Variants in ZNF362 observed in about 807,000 individuals in gnomAD.
The protein encoded by ZNF362 is rotund homolog.
A neutral mutation model predicts 42.9 loss-of-function variants in ZNF362; 11 were observed. The ratio of observed to expected loss-of-function variants is 0.26; its 90% CI spans 0.16 to 0.42. The LOEUF is 0.42. Ranked by LOEUF, ZNF362 falls within the 20% of genes least tolerant of loss-of-function variation. ZNF362 has a pLI of 1.00. For synonymous variants in ZNF362, 255 were observed against 257.3 expected, an observed-to-expected ratio of 0.99 and a Z score of 0.09; for missense variants, 362 against 576.2, an observed-to-expected ratio of 0.63 and a Z score of 3.81.
At chr1:33,160,076 G>T in the ZNF362 span, 2 of 1,165,156 alleles carry the variant, frequency 1.7e-6, no homozygotes, top group Non-Finnish European at 2.4e-6. Context: ...TGGGGGAAAT[G>T]TCACATGCAA....
At chr1:33,229,371 T>C in the ZNF362 span, among the ~76,000 whole-genome samples, 1 of 151,860 alleles carries the variant, frequency 6.6e-6, no homozygotes, top group Non-Finnish European at 1.5e-5. Flanking sequence ...CCTTCACTTA[T>C]GTCCAATCAG....
the ZNF362 span, among the ~76,000 whole-genome samples, chr1:33,143,811 A>G: frequency 2.0e-5 from 3 of 152,236 alleles, no homozygotes; most frequent in Admixed American, 2.0e-4. Context: ...GAGAGCACCC[A>G]GTGGCCTGGG....
chr1:33,131,401 G>GTC, the ZNF362 span, among the ~76,000 whole-genome samples: 1 of 152,178 alleles, frequency 6.6e-6, no homozygotes, highest in African/African-American at 2.4e-5. Context: ...GGCTCTGAGG[G>GTC]TCTAAATCTG....
intron 1 of ZNF362, among the ~76,000 whole-genome samples, chr1:33,260,020 G>A (rs924739298): frequency 6.6e-5 from 10 of 152,100 alleles, no homozygotes; most frequent in Admixed American, 2.6e-4. Flanking sequence ...TGTATGACAC[G>A]TCTCCCTGCC....
chr1:33,223,319 T>C, the ZNF362 span, among the ~76,000 whole-genome samples: 1 of 152,200 alleles, frequency 6.6e-6, no homozygotes. Flanking sequence ...TCTTGTCTGC[T>C]GCCCTGTGAG....
chr1:33,165,404 G>A, the ZNF362 span: 1 of 1,396,756 alleles, frequency 7.2e-7, no homozygotes, highest in Non-Finnish European at 9.7e-7. The surrounding 1 kb of genome is among the most constrained non-coding windows in gnomAD (Gnocchi z 4.0). Flanking sequence ...TTCCCCAGCT[G>A]GCCCCGCCCC....
At chr1:33,238,326 C>CATAAAATAAAATAAA in the ZNF362 span, among the ~76,000 whole-genome samples, 12,024 of 85,140 alleles carry the variant, frequency 0.14, 1,327 homozygotes, top group Middle Eastern at 0.26. Flanking sequence ...CTCAAAATAA[C>CATAAAATAAAATAAA]ATAAAATAAA....
At chr1:33,189,120 G>T in the ZNF362 span, among the ~76,000 whole-genome samples, 4 of 152,190 alleles carry the variant, frequency 2.6e-5, no homozygotes, top group African/African-American at 9.7e-5. Context: ...TCTCCACATG[G>T]CTGTTCTTCA....
At chr1:33,278,637 C>T (rs1489170893) in intron 4 of ZNF362, among the ~76,000 whole-genome samples, 4 of 152,204 alleles carry the variant, frequency 2.6e-5, no homozygotes, top group African/African-American at 9.6e-5. Context: ...TGATGTGTCT[C>T]CTCTCAGATC....
the ZNF362 span, chr1:33,142,243 C>G: frequency 5.3e-5 from 8 of 152,324 alleles, no homozygotes; most frequent in African/African-American, 1.9e-4. Context: ...GGGGAGGAGA[C>G]AGAGTGCTGC....
chr1:33,244,697 C>G, the ZNF362 span, among the ~76,000 whole-genome samples: 6 of 152,298 alleles, frequency 3.9e-5, no homozygotes, highest in South Asian at 1.2e-3. This position sits in a 1 kb window ranked among gnomAD's most constrained non-coding sequence, Gnocchi z 4.0. Context: ...AGATCACTGG[C>G]TTCATCTCTC....
chr1:33,136,348 TTCTC>T, the ZNF362 span, among the ~76,000 whole-genome samples: 14 of 150,550 alleles, frequency 9.3e-5, no homozygotes, highest in Admixed American at 8.6e-4. Context: ...CCTTCCTTCT[TTCTC>T]TCTCTCTCTG....
At chr1:33,282,253 G>C (rs1646000785) in intron 6 of ZNF362, among the ~76,000 whole-genome samples, 1 of 152,190 alleles carries the variant, frequency 6.6e-6, no homozygotes, top group African/African-American at 2.4e-5. Flanking sequence ...GGGAGTTCTT[G>C]AAGGCAAGAG....
the ZNF362 span, among the ~76,000 whole-genome samples, chr1:33,231,815 G>A: frequency 1.3e-5 from 2 of 152,186 alleles, no homozygotes; most frequent in African/African-American, 4.8e-5. Flanking sequence ...ACACACCCCA[G>A]CTCCCTCAGC....
chr1:33,294,964 G>A lies in ZNF362; in HGVS notation c.936G>A (p.Lys312=), dbSNP rs756816972. The change falls in exon 7 of 9, where the codon AAG becomes AAA. Residue 312 remains lysine (K), a synonymous_variant. Transcript: ENST00000539719. This position sits in a 1 kb window ranked among gnomAD's most constrained non-coding sequence, Gnocchi z 4.2. ...TCCACACAGGCGACAGACCCTACAA[G>A]TGCCCACATCCTGGCTGCGAGAAGG... The part of the protein sequence containing the change: ...TRIHTGDRPY[K]CPHPGCEKAF... The A allele has an allele frequency of 3.1e-6, 5 of 1,614,114 alleles. No individual in the cohort carries two copies. In the South Asian group the frequency reaches 5.5e-5, roughly 18 times the overall value.
the ZNF362 span, among the ~76,000 whole-genome samples, chr1:33,238,326 C>CATAAAATAAAATAAAATAAAATAAA: frequency 0.071 from 5,917 of 83,362 alleles, 591 homozygotes; most frequent in East Asian, 0.12. Context: ...CTCAAAATAA[C>CATAAAATAAAATAAAATAAAATAAA]ATAAAATAAA....
the ZNF362 span, among the ~76,000 whole-genome samples, chr1:33,242,950 C>A: frequency 6.6e-6 from 1 of 152,062 alleles, no homozygotes; most frequent in Non-Finnish European, 1.5e-5. Flanking sequence ...GAGGGAGGAA[C>A]CTGGATTGTG....
rs1645997156 is a variant in ZNF362 at position 33,281,867 on chromosome 1, C to T, written c.908+56C>T. ...CCCGACTCAGCTCAGCACCCGTGGC[C>T]TGGCACATGGAGCCAGTGCAAGGAG... On this transcript the variant is annotated intron_variant, in intron 6 of 8. Coordinates refer to ENST00000539719, the MANE Select transcript of ZNF362 (RefSeq NM_152493.3). The surrounding 1 kb of genome is among the most constrained non-coding windows in gnomAD (Gnocchi z 4.8). 6.3e-7 allele frequency: 1 copy of T among 1,584,226 alleles called. No individual in the cohort carries two copies. Among genetic ancestry groups the T allele is most frequent in the Admixed American group, 1.7e-5 (1 of 59,620 alleles).
At chr1:33,258,391 G>C (rs1341993980) in intron 1 of ZNF362, among the ~76,000 whole-genome samples, 1 of 152,198 alleles carries the variant, frequency 6.6e-6, no homozygotes, top group Non-Finnish European at 1.5e-5. Flanking sequence ...CTCCTGGTTT[G>C]TGTCCTGGCT....
Sources: gnomAD v4.1 joint callset for allele counts (sites outside exome capture counted in the v4.1 genomes callset) on GRCh38, gnomAD v4.1.1 for gene constraint, Gnocchi (gnomAD v3.1) non-coding constraint, MANE v1.5 for transcripts, NCBI Gene and HGNC (gene_info 2026-07-23, HGNC 2026-07-21) for gene names.